The following SEPTIN8 variants were observed in gnomAD, a reference collection of about 807,000 sequenced individuals.
SEPTIN8 encodes the protein septin-8.
Under a neutral mutation model 53.1 loss-of-function variants are expected in SEPTIN8, and 22 were observed. The observed-to-expected ratio is 0.41, with a 90% CI of 0.30 to 0.59. The LOEUF (loss-of-function observed/expected upper bound fraction) is 0.59. Ranked by LOEUF, SEPTIN8 falls within the 20% of genes least tolerant of loss-of-function variation. The pLI is 0.24. For synonymous variants in SEPTIN8, 228 were observed against 248.4 expected (o/e 0.92, Z 0.77); for missense variants, 536 against 638.7 (o/e 0.84, Z 1.73).
Position 132,761,773 on chromosome 5 carries a change from C to T in SEPTIN8, c.793+27G>A, listed in dbSNP as rs1156256181. ...AGGCCAGGGAACTCAGTTCTACCCC[C>T]AGGATGCATTTCCTGTCCACACTCA... On this transcript the variant is annotated intron_variant, in intron 6 of 9. Transcript: ENST00000378719. The surrounding 1 kb of genome is among the most constrained non-coding windows in gnomAD (Gnocchi z 5.8). 6.3e-7 allele frequency: 1 copy of T among 1,596,722 alleles called. No homozygotes were observed. Among genetic ancestry groups the T allele is most frequent in the African/African-American group, 1.3e-5 (1 of 74,652 alleles).
At chr5:132,752,820 A>C in intron 9 of SEPTIN8, 1 of 1,542,548 alleles carries the variant, frequency 6.5e-7, no homozygotes, top group African/African-American at 1.4e-5. Flanking sequence ...ATTTCTTAGA[A>C]TGTATGATGG....
chr5:132,756,151 T>C, intron 9 of SEPTIN8: 1 of 985,452 alleles, frequency 1.0e-6, no homozygotes, highest in Non-Finnish European at 1.2e-6. Context: ...CAAGCCACAC[T>C]TCCTCAGGCC....
In SEPTIN8 at chr5:132,760,325, T is replaced by A. The variant is rs1384502152; in HGVS notation, c.1286+477A>T. Reference sequence around the variant, plus strand: ...GAGATGCTGACATTCCCAGGTCCTGTCCCGCCCCTGGCCTGAAAGACCATT... The same window carrying A: ...GAGATGCTGACATTCCCAGGTCCTGACCCGCCCCTGGCCTGAAAGACCATT... On this transcript the variant is annotated intron_variant, in intron 9 of 9. Coordinates refer to ENST00000378719, the MANE Select transcript of SEPTIN8 (RefSeq NM_001098811.2). The surrounding 1 kb of genome is among the most constrained non-coding windows in gnomAD (Gnocchi z 5.2). 6.6e-6 allele frequency among the ~76,000 whole-genome samples: 1 copy of A among 151,988 alleles called. No individual in the cohort carries two copies. Among genetic ancestry groups the A allele is most frequent in the African/African-American group, 2.4e-5 (1 of 41,364 alleles).
chr5:132,752,786 T>C (rs1052906663), intron 9 of SEPTIN8: 1 of 1,251,386 alleles, frequency 8.0e-7, no homozygotes, highest in Non-Finnish European at 1.2e-6. Context: ...TGCTTCATGC[T>C]AACATTTTGG....
intron 4 of SEPTIN8, 84 bp downstream of exon 4, chr5:132,763,622 T>C (rs1454036251): frequency 6.1e-6 from 8 of 1,311,212 alleles, no homozygotes; most frequent in South Asian, 5.1e-5. Flanking sequence ...CTGAGGACCA[T>C]GGTGTTCAGG....
chr5:132,766,384 G>T (rs894140473), intron 1 of SEPTIN8, among the ~76,000 whole-genome samples: 10 of 152,240 alleles, frequency 6.6e-5, no homozygotes, highest in Admixed American at 2.0e-4. Context: ...CCCCGAGTGA[G>T]CTGGGGCCAC....
intron 1 of SEPTIN8, among the ~76,000 whole-genome samples, chr5:132,770,063 GTATATATATATATATA>G (rs769360917): frequency 0.1 from 9,003 of 88,984 alleles, 911 homozygotes; most frequent in East Asian, 0.32. Context: ...GTGTGTGTGT[GTATATATATATATATA>G]TGTATATATG....
At chr5:132,762,031 G>C (rs112750348) in intron 5 of SEPTIN8, 135 bp from the exon 6 acceptor site, 15 of 716,190 alleles carry the variant, frequency 2.1e-5, no homozygotes, top group African/African-American at 1.6e-4. Context: ...CTTACTTCCT[G>C]GCTCTCTTCT....
chr5:132,772,108 C>T (rs796545685), intron 1 of SEPTIN8, among the ~76,000 whole-genome samples: 1 of 152,242 alleles, frequency 6.6e-6, no homozygotes, highest in African/African-American at 2.4e-5. Context: ...TCCTACTCCA[C>T]CCATCCTGGG....
At chr5:132,767,475 T>C (rs1191654782) in intron 1 of SEPTIN8, among the ~76,000 whole-genome samples, 1 of 152,204 alleles carries the variant, frequency 6.6e-6, no homozygotes, top group Admixed American at 6.5e-5. Flanking sequence ...GCAGTTATCC[T>C]GTTTCCTAGT....
In SEPTIN8 at chr5:132,761,750, G is replaced by T; in HGVS notation, c.793+50C>A. ...CAGGGTACTACAGGCAGCAGGGCAG[G>T]CCAGGGAACTCAGTTCTACCCCCAG... On this transcript the variant is annotated intron_variant, in intron 6 of 9. Transcript: ENST00000378719. The surrounding 1 kb of genome is among the most constrained non-coding windows in gnomAD (Gnocchi z 5.8). 1 of 1,583,814 alleles carries T rather than the reference G, an allele frequency of 6.3e-7. No individual in the cohort carries two copies. Among genetic ancestry groups the T allele is most frequent in the African/African-American group, 1.3e-5 (1 of 74,618 alleles).
rs201642066 is a variant in SEPTIN8, at chr5:132,761,553, G to T, written c.867C>A (p.Arg289=). The T allele has an allele frequency of 1.5e-5, 24 of 1,613,942 alleles. No individual in the cohort carries two copies. The Admixed American group carries it at 2.0e-4, about 13-fold the overall frequency. ...CGTAGTGCCGGCTGTGGGTCTGCTC[G>T]CGGAGGTCTTCCATGTTCACCCGGA... ...MLIRVNMEDL[R]EQTHSRHYEL... Residue 289 remains arginine, a synonymous_variant, in exon 7 of 10, where the codon CGC becomes CGA. Coordinates refer to ENST00000378719, the MANE Select transcript of SEPTIN8 (RefSeq NM_001098811.2). This position sits in a 1 kb window ranked among gnomAD's most constrained non-coding sequence, Gnocchi z 5.8.
chr5:132,759,273 A>T (rs1227638622), intron 9 of SEPTIN8, among the ~76,000 whole-genome samples: 1 of 152,074 alleles, frequency 6.6e-6, no homozygotes, highest in Non-Finnish European at 1.5e-5. Context: ...GCTTTCTAGC[A>T]GGTCCAGAGA....
At position 132,760,656 on chromosome 5, in the gene SEPTIN8, G is replaced by A. The variant is rs1208440966; in HGVS notation, c.1286+146C>T. 1.8e-5 allele frequency: 13 copies of A among 741,628 alleles called. No homozygotes were observed. Among genetic ancestry groups the A allele is most frequent in the South Asian group, 3.5e-5 (2 of 57,124 alleles). The allele number at this position is 741,628 out of a possible 1,614,324, so 45.9% of individuals were successfully genotyped here. ...AAAAGGCAACCAAGAAAGCTGGGGG[G>A]AGAGCCACTGAAGATGAGGGAAAAC... On this transcript the variant is annotated intron_variant, in intron 9 of 9. Transcript: ENST00000378719. The surrounding 1 kb of genome is among the most constrained non-coding windows in gnomAD (Gnocchi z 5.2).
rs922136889 is a variant in SEPTIN8 at position 132,776,541 on chromosome 5, C to T, written c.30+567G>A. On this transcript the variant is annotated intron_variant, in intron 1 of 9. Transcript: ENST00000378719. This position sits in a 1 kb window ranked among gnomAD's most constrained non-coding sequence, Gnocchi z 4.4. ...CTGAGGCCTGACCTGCCTGGAGTCG[C>T]ACCCAGGATTCCGGCGTGGGGAGCG... 2.0e-5 allele frequency among the ~76,000 whole-genome samples: 3 copies of T among 152,254 alleles called. No individual in the cohort carries two copies. In the South Asian group the frequency reaches 6.2e-4, roughly 32 times the overall value.
chr5:132,758,743 G>C, intron 9 of SEPTIN8: 1 of 1,613,412 alleles, frequency 6.2e-7, no homozygotes, highest in Middle Eastern at 1.7e-4. Flanking sequence ...TATGGGAGAA[G>C]GGTCACAAGG....
At chr5:132,758,848 C>T (rs759625011) in intron 9 of SEPTIN8, 1 of 1,609,548 alleles carries the variant, frequency 6.2e-7, no homozygotes, top group Admixed American at 1.7e-5. Flanking sequence ...ATAAAACAAA[C>T]AAAACAAAAA....
intron 9 of SEPTIN8, chr5:132,757,833 T>C (rs1212005416): frequency 2.0e-6 from 2 of 985,290 alleles, no homozygotes; most frequent in East Asian, 1.1e-4. Context: ...TTTTCCCTAA[T>C]TGTCTATATA....
rs547829199 is a variant in SEPTIN8, at chr5:132,760,835, T to C, written c.1253A>G (p.Gln418Arg). The C allele has an allele frequency of 3.1e-6, 5 of 1,613,960 alleles. No homozygotes were observed. Among genetic ancestry groups the C allele is most frequent in the African/African-American group, 2.7e-5 (2 of 75,066 alleles). ...GTCCTTGTCCTTCCTCAGGGGCTGC[T>C]GCGAGGTGGCGTGCAAGGCCTGCGA... ...LQSQALHATS[Q>R]QPLRKDKDKK... is the part of the protein sequence containing the mutation. Residue 418 changes from glutamine to arginine, a missense_variant, in exon 9 of 10, where the codon CAG becomes CGG. Gln to Arg is a conservative substitution (Grantham distance 43). Around this residue, in one of 3 missense-constraint regions of SEPTIN8, gnomAD observed 133 missense variants for 157.4 expected, o/e 0.84. Coordinates refer to ENST00000378719, the MANE Select transcript of SEPTIN8 (RefSeq NM_001098811.2). The surrounding 1 kb of genome is among the most constrained non-coding windows in gnomAD (Gnocchi z 5.2).
Sources: allele counts gnomAD v4.1 joint callset (sites outside exome capture counted in the v4.1 genomes callset), GRCh38; gene constraint gnomAD v4.1.1; regional missense constraint gnomAD v4.1.1; non-coding constraint Gnocchi (gnomAD v3.1); transcripts MANE v1.5; gene names NCBI Gene and HGNC (gene_info 2026-07-23, HGNC 2026-07-21).